Variants in TMC1 observed in about 807,000 individuals in gnomAD.
The protein encoded by TMC1 is transmembrane channel like 1.
In TMC1, 84 loss-of-function variants were observed where a neutral mutation model predicts 105.8. That is an observed-to-expected ratio of 0.79 (90% CI 0.67 to 0.95). The LOEUF (loss-of-function observed/expected upper bound fraction) is 0.95, where lower values mean the gene tolerates loss of function less well. Among genes scored for constraint, TMC1 ranks in the 40% least tolerant of loss-of-function variants. The pLI is 0.00. For synonymous variants in TMC1, 315 were observed against 311.5 expected (o/e 1.01, Z -0.12); for missense variants, 817 against 914.1 (o/e 0.89, Z 1.37).
intron 5 of TMC1, among the ~76,000 whole-genome samples, chr9:72,664,009 T>C (rs1826005146): frequency 6.6e-6 from 1 of 152,204 alleles, no homozygotes; most frequent in South Asian, 2.1e-4. Flanking sequence ...AAGATCTTCA[T>C]GGACAATAAC....
chr9:72,589,334 G>A (rs1587976323), intron 2 of TMC1, among the ~76,000 whole-genome samples: 1 of 152,168 alleles, frequency 6.6e-6, no homozygotes, highest in Non-Finnish European at 1.5e-5. Flanking sequence ...TTTCACAAAT[G>A]TGAACTATTA....
intron 5 of TMC1, chr9:72,656,131 C>G: frequency 1.6e-6 from 1 of 644,516 alleles, no homozygotes; most frequent in Non-Finnish European, 2.9e-6. Context: ...TAGAGTGATT[C>G]GAATTCGGTG....
chr9:72,683,149 T>C (rs981316818), intron 5 of TMC1, among the ~76,000 whole-genome samples: 4 of 152,180 alleles, frequency 2.6e-5, no homozygotes, highest in Admixed American at 2.6e-4. Flanking sequence ...ATTCTCTATA[T>C]GGAGATGATG....
intron 21 of TMC1, among the ~76,000 whole-genome samples, chr9:72,829,365 T>C (rs998080250): frequency 6.6e-6 from 1 of 152,220 alleles, no homozygotes; most frequent in African/African-American, 2.4e-5. Flanking sequence ...AATACTTATT[T>C]AACGTGCATT....
intron 12 of TMC1, among the ~76,000 whole-genome samples, chr9:72,770,860 A>G (rs1438133210): frequency 6.6e-6 from 1 of 152,088 alleles, no homozygotes; most frequent in Non-Finnish European, 1.5e-5. Context: ...AAAAGGAGCA[A>G]ATCCCTCCTT....
chr9:72,830,345 G>A (rs1361439901), intron 21 of TMC1, 106 bp from the exon 22 acceptor site: 1 of 818,560 alleles, frequency 1.2e-6, no homozygotes, highest in East Asian at 2.7e-5. Context: ...ATAGCTTAAT[G>A]TTCATTCCCA....
rs1350774620 is a variant in TMC1, at chr9:72,742,368, T to G, written c.454-76T>G. ...CATTTCCAAGCTTACTGCATTGTAA[T>G]GTTTTGAGGTGGGGGATAAACATCT... On this transcript the variant is annotated intron_variant, in intron 9 of 23. Coordinates refer to ENST00000297784, the MANE Select transcript of TMC1 (RefSeq NM_138691.3). 2.7e-6 allele frequency: 3 copies of G among 1,115,110 alleles called. No homozygotes were observed. In the African/African-American group the frequency reaches 4.6e-5, roughly 17 times the overall value. The allele number at this position is 1,115,110 out of a possible 1,614,324, so 69.1% of individuals were successfully genotyped here. A position where few individuals can be genotyped will look rare whatever the true frequency, so the allele number is the denominator to read the frequency against.
At chr9:72,668,449 G>A (rs1447258136) in intron 5 of TMC1, among the ~76,000 whole-genome samples, 2 of 152,242 alleles carry the variant, frequency 1.3e-5, no homozygotes, top group African/African-American at 4.8e-5. Flanking sequence ...GTGAATTAAC[G>A]AGTGAATTAT....
At chr9:72,732,520 G>A (rs1369097738) in intron 8 of TMC1, among the ~76,000 whole-genome samples, 1 of 148,932 alleles carries the variant, frequency 6.7e-6, no homozygotes, top group Non-Finnish European at 1.5e-5. Flanking sequence ...AGCCAAGATT[G>A]CACCACTGCA....
chr9:72,606,868 A>G (rs1047415135), intron 2 of TMC1, among the ~76,000 whole-genome samples: 1 of 151,996 alleles, frequency 6.6e-6, no homozygotes, highest in African/African-American at 2.4e-5. Flanking sequence ...TCTGTTCCCT[A>G]GTTTTCTCAT....
intron 5 of TMC1, among the ~76,000 whole-genome samples, chr9:72,677,968 A>T (rs1201435215): frequency 6.6e-6 from 1 of 152,128 alleles, no homozygotes. Flanking sequence ...CCATGTAAAG[A>T]ATAACATTGA....
intron 12 of TMC1, among the ~76,000 whole-genome samples, chr9:72,768,567 A>G (rs941801278): frequency 6.6e-6 from 1 of 152,212 alleles, no homozygotes; most frequent in African/African-American, 2.4e-5. Context: ...GGCAAACTGC[A>G]GAAACCTTTG....
Position 72,675,049 on chromosome 9 carries a change from A to G in TMC1, c.17-13660A>G, listed in dbSNP as rs139289528. ...AAGTATGAAAATAAATCCAGGACTC[A>G]GAAATCTTTCAACTAAATCTTTAAA... On this transcript the variant is annotated intron_variant, in intron 5 of 23. Coordinates refer to ENST00000297784, the MANE Select transcript of TMC1 (RefSeq NM_138691.3). Among the ~76,000 whole-genome samples, 236 of 152,332 alleles carry G rather than the reference A, an allele frequency of 1.5e-3. 1 individual carries two copies. The highest frequency in any genetic ancestry group is 1.1e-3 in the Non-Finnish European group (75 of 68,036).
chr9:72,636,213 G>A (rs1165817201), intron 4 of TMC1, among the ~76,000 whole-genome samples: 1 of 152,114 alleles, frequency 6.6e-6, no homozygotes, highest in East Asian at 1.9e-4. Context: ...TAAATTGTCT[G>A]GGCTTAGACT....
At chr9:72,551,970 G>C (rs1287865717) in intron 1 of TMC1, among the ~76,000 whole-genome samples, 4 of 152,170 alleles carry the variant, frequency 2.6e-5, no homozygotes, top group Admixed American at 2.6e-4. Context: ...GAGCCTCTCA[G>C]AGAGTATGGC....
At chr9:72,710,807 T>C (rs1826822637) in intron 8 of TMC1, among the ~76,000 whole-genome samples, 1 of 152,158 alleles carries the variant, frequency 6.6e-6, no homozygotes, top group South Asian at 2.1e-4. Flanking sequence ...AATTATACTT[T>C]ACATTCTGGG....
At chr9:72,827,107 T>C in intron 21 of TMC1, 113 bp downstream of exon 21, 2 of 1,410,338 alleles carry the variant, frequency 1.4e-6, no homozygotes, top group South Asian at 1.2e-5. Flanking sequence ...CTGTAACCTA[T>C]CCAAATTCAA....
chr9:72,812,738 G>C (rs1828725944), intron 18 of TMC1, among the ~76,000 whole-genome samples: 1 of 152,240 alleles, frequency 6.6e-6, no homozygotes, highest in Admixed American at 6.5e-5. Context: ...AGTGATTCCA[G>C]CTGTGAGAAA....
intron 12 of TMC1, among the ~76,000 whole-genome samples, chr9:72,759,157 T>C (rs1044902757): frequency 1.3e-5 from 2 of 152,108 alleles, no homozygotes; most frequent in African/African-American, 4.8e-5. Context: ...GGAAGGGCGC[T>C]GCATGGCCCC....
Sources: gnomAD v4.1 joint callset for allele counts (sites outside exome capture counted in the v4.1 genomes callset) on GRCh38, gnomAD v4.1.1 for gene constraint, MANE v1.5 for transcripts, NCBI Gene and HGNC (gene_info 2026-07-23, HGNC 2026-07-21) for gene names.